RBFOX1: variants seen among roughly 807,000 people sequenced by gnomAD.
RBFOX1 encodes the protein RNA binding protein fox-1 homolog 1.
A neutral mutation model predicts 57.7 loss-of-function variants in RBFOX1; 8 were observed. The observed-to-expected ratio is 0.14, with a 90% CI of 0.08 to 0.25. The LOEUF (loss-of-function observed/expected upper bound fraction) is 0.25, where lower values mean the gene tolerates loss of function less well. RBFOX1 is among the 10% of genes least tolerant of loss of function. The pLI, the probability that RBFOX1 is intolerant of heterozygous loss-of-function variation, is 1.00. For synonymous variants in RBFOX1, 326 were observed against 222.4 expected (o/e 1.47, Z -4.15); for missense variants, 611 against 548.5 (o/e 1.11, Z -1.14).
intron 3 of RBFOX1, among the ~76,000 whole-genome samples, chr16:6,795,318 A>G (rs1038876613): frequency 1.3e-4 from 20 of 152,070 alleles, no homozygotes; most frequent in African/African-American, 4.8e-4. Context: ...GATTTTTCCA[A>G]CACTGGTTTC....
chr16:6,912,305 C>A (rs976167068), intron 3 of RBFOX1, among the ~76,000 whole-genome samples: 1 of 152,152 alleles, frequency 6.6e-6, no homozygotes, highest in Non-Finnish European at 1.5e-5. Context: ...GATTTTCTGA[C>A]TGAATAGCTC....
intron 3 of RBFOX1, among the ~76,000 whole-genome samples, chr16:6,945,502 C>G (rs1405456770): frequency 1.3e-5 from 2 of 151,082 alleles, no homozygotes; most frequent in African/African-American, 2.4e-5. Context: ...AAATCTAATT[C>G]TCATTTTTGG....
chr16:6,758,801 C>G (rs908850739), intron 3 of RBFOX1, among the ~76,000 whole-genome samples: 1 of 152,092 alleles, frequency 6.6e-6, no homozygotes, highest in Admixed American at 6.6e-5. Flanking sequence ...ACAATCATCT[C>G]TTAGAAATTT....
chr16:5,524,354 C>T (rs377325757), intron 2 of RBFOX1, among the ~76,000 whole-genome samples: 5 of 152,274 alleles, frequency 3.3e-5, no homozygotes, highest in East Asian at 1.9e-4. Context: ...GCATTGCCTT[C>T]GAGAGACACT....
intron 4 of RBFOX1, among the ~76,000 whole-genome samples, chr16:7,206,631 G>A (rs981375067): frequency 2.6e-5 from 4 of 152,060 alleles, no homozygotes; most frequent in Non-Finnish European, 5.9e-5. Flanking sequence ...TGCTAAGAAT[G>A]CTGTCTTATC....
At position 6,519,171 on chromosome 16, in the gene RBFOX1, G is replaced by A. The variant is rs78351268; in HGVS notation, c.-63-135432G>A. ...CTGCAGTCAAGATATGGGGGGAACC[G>A]TCTGTGTAATTTATCTCTAAAATGG... On this transcript the variant is annotated intron_variant, in intron 2 of 15. Transcript: ENST00000550418. Among the ~76,000 whole-genome samples the A allele has an allele frequency of 4.5e-3, 690 of 152,126 alleles. 8 individuals are homozygous for A. Among genetic ancestry groups the A allele is most frequent in the African/African-American group, 0.014 (582 of 41,518 alleles).
intron 3 of RBFOX1, among the ~76,000 whole-genome samples, chr16:6,843,628 G>A (rs1243902265): frequency 6.6e-6 from 1 of 152,208 alleles, no homozygotes; most frequent in African/African-American, 2.4e-5. Flanking sequence ...GGTGGAGCTT[G>A]CAGTGAGCCG....
chr16:6,886,525 G>A (rs1285026060), intron 3 of RBFOX1, among the ~76,000 whole-genome samples: 2 of 152,070 alleles, frequency 1.3e-5, no homozygotes, highest in Non-Finnish European at 2.9e-5. Context: ...GGCCAAGGCA[G>A]GTAGATCACC....
chr16:6,304,517 A>C (rs2079216580), intron 1 of RBFOX1, among the ~76,000 whole-genome samples: 1 of 152,082 alleles, frequency 6.6e-6, no homozygotes, highest in African/African-American at 2.4e-5. Context: ...TCTTCCCTAC[A>C]GAGCCGTATG....
At chr16:5,765,710 G>T (rs2053753418) in intron 3 of RBFOX1, among the ~76,000 whole-genome samples, 1 of 152,200 alleles carries the variant, frequency 6.6e-6, no homozygotes, top group South Asian at 2.1e-4. Context: ...AGGACGCCTT[G>T]TGTTTTCAAA....
intron 2 of RBFOX1, among the ~76,000 whole-genome samples, chr16:6,640,586 CGA>C (rs2098479182): frequency 6.6e-6 from 1 of 151,748 alleles, no homozygotes; most frequent in African/African-American, 2.4e-5. Context: ...CCAGCCTCAG[CGA>C]CAGAGTAAGA....
intron 3 of RBFOX1, among the ~76,000 whole-genome samples, chr16:6,821,448 C>A (rs902944717): frequency 6.6e-6 from 1 of 152,188 alleles, no homozygotes; most frequent in Non-Finnish European, 1.5e-5. Context: ...AATTCAGTGG[C>A]ACATAGTGCA....
At chr16:6,257,879 G>A (rs1454900889) in intron 1 of RBFOX1, among the ~76,000 whole-genome samples, 1 of 152,134 alleles carries the variant, frequency 6.6e-6, no homozygotes, top group African/African-American at 2.4e-5. Flanking sequence ...GTGCTGCAGT[G>A]AACATACACA....
chr16:6,807,135 C>A (rs778202700), intron 3 of RBFOX1, among the ~76,000 whole-genome samples: 2 of 151,648 alleles, frequency 1.3e-5, no homozygotes. Context: ...TGCCCAGCCT[C>A]TTTTTTTCCT....
At chr16:5,959,572 T>G (rs2059709689) in intron 4 of RBFOX1, among the ~76,000 whole-genome samples, 1 of 152,202 alleles carries the variant, frequency 6.6e-6, no homozygotes. Flanking sequence ...TATTTAAGTT[T>G]CTGATGAAGG....
intron 4 of RBFOX1, among the ~76,000 whole-genome samples, chr16:7,124,351 C>A (rs1412472186): frequency 1.3e-5 from 2 of 152,108 alleles, no homozygotes; most frequent in Non-Finnish European, 2.9e-5. Flanking sequence ...GAGGTTGAGG[C>A]TGCAGTAAGC....
intron 4 of RBFOX1, among the ~76,000 whole-genome samples, chr16:7,480,998 T>A (rs2063800080): frequency 1.3e-5 from 2 of 152,202 alleles, no homozygotes; most frequent in Admixed American, 1.3e-4. Context: ...CTGCCATGCA[T>A]GATATCCAAG....
chr16:7,325,167 G>A (rs2096595293), intron 4 of RBFOX1, among the ~76,000 whole-genome samples: 1 of 152,164 alleles, frequency 6.6e-6, no homozygotes. Context: ...ACTATCAACA[G>A]CCATTTACTG....
At chr16:5,495,098 G>A (rs957968601) in intron 2 of RBFOX1, among the ~76,000 whole-genome samples, 1 of 152,204 alleles carries the variant, frequency 6.6e-6, no homozygotes, top group Non-Finnish European at 1.5e-5. Flanking sequence ...TCTGCAGGCT[G>A]TGCATGGCTG....
Sources: gnomAD v4.1 joint callset for allele counts (sites outside exome capture counted in the v4.1 genomes callset) on GRCh38, gnomAD v4.1.1 for gene constraint, MANE v1.5 for transcripts, NCBI Gene and HGNC (gene_info 2026-07-23, HGNC 2026-07-21) for gene names.